PPM1E: variants seen among roughly 807,000 people sequenced by gnomAD.
PPM1E encodes the protein protein phosphatase, Mg2+/Mn2+ dependent 1E.
Under a neutral mutation model 65.9 loss-of-function variants are expected in PPM1E, and 20 were observed. The observed-to-expected ratio is 0.30, with a 90% CI of 0.21 to 0.44. PPM1E has a LOEUF of 0.44. Ranked by LOEUF, PPM1E falls within the 20% of genes least tolerant of loss-of-function variation. The pLI, the probability that PPM1E is intolerant of heterozygous loss-of-function variation, is 1.00. For synonymous variants in PPM1E, 352 were observed against 374.9 expected (o/e 0.94, Z 0.70); for missense variants, 713 against 953.1 (o/e 0.75, Z 3.32).
chr17:58,786,755 T>G (rs917952224), intron 1 of PPM1E, among the ~76,000 whole-genome samples: 3 of 152,240 alleles, frequency 2.0e-5, no homozygotes, highest in Non-Finnish European at 4.4e-5. Context: ...GTTACACAAC[T>G]TCCATATTAT....
chr17:58,790,798 T>C (rs1386030820), intron 1 of PPM1E, among the ~76,000 whole-genome samples: 1 of 152,180 alleles, frequency 6.6e-6, no homozygotes, highest in Admixed American at 6.6e-5. Flanking sequence ...TTTAGATGAC[T>C]TCATGCCCCC....
At chr17:58,893,935 G>A (rs1435876187) in intron 1 of PPM1E, among the ~76,000 whole-genome samples, 4 of 152,084 alleles carry the variant, frequency 2.6e-5, no homozygotes, top group Non-Finnish European at 2.9e-5. Context: ...TTAGCTGGAT[G>A]TGGTGGCAAA....
intron 1 of PPM1E, among the ~76,000 whole-genome samples, chr17:58,792,614 G>C (rs1308925588): frequency 6.6e-6 from 1 of 151,520 alleles, no homozygotes; most frequent in Non-Finnish European, 1.5e-5. Flanking sequence ...AGTGCTGAAT[G>C]CTGGGACTAC....
chr17:58,821,615 C>A (rs1567843777), intron 1 of PPM1E, among the ~76,000 whole-genome samples: 1 of 152,034 alleles, frequency 6.6e-6, no homozygotes, highest in Non-Finnish European at 1.5e-5. Flanking sequence ...CAGGAACTTG[C>A]CCGATATAAT....
At chr17:58,882,440 G>A (rs947595531) in intron 1 of PPM1E, among the ~76,000 whole-genome samples, 1 of 152,004 alleles carries the variant, frequency 6.6e-6, no homozygotes, top group Non-Finnish European at 1.5e-5. Context: ...ACCCAGGCTG[G>A]AGTGCAATGG....
chr17:58,904,982 C>A (rs2051540772), intron 1 of PPM1E, among the ~76,000 whole-genome samples: 2 of 152,126 alleles, frequency 1.3e-5, no homozygotes, highest in Non-Finnish European at 2.9e-5. Flanking sequence ...CGAGGTCGTG[C>A]CATTGCACTC....
intron 1 of PPM1E, among the ~76,000 whole-genome samples, chr17:58,850,598 A>G (rs2050817065): frequency 6.6e-6 from 1 of 152,166 alleles, no homozygotes; most frequent in African/African-American, 2.4e-5. Context: ...AATGTTGAAT[A>G]TTGGCCCCCA....
chr17:58,880,607 AGTTTGTTT>A lies in PPM1E; in HGVS notation c.465-75021_465-75014del, dbSNP rs71367640. 4.7e-3 allele frequency among the ~76,000 whole-genome samples: 704 copies of A among 150,876 alleles called. 4 individuals carry two copies. Among genetic ancestry groups the A allele is most frequent in the Non-Finnish European group, 5.6e-3 (382 of 67,684 alleles). On this transcript the variant is annotated intron_variant, in intron 1 of 6. Transcript: ENST00000308249. ...TTTTCTTCTGATTCTGTTGTGAAAG[AGTTTGTTT>A]GTTTGTTTGTTTGTTTGTTTTCTTT... is the stretch of plus-strand genomic sequence containing the variant.
intron 1 of PPM1E, among the ~76,000 whole-genome samples, chr17:58,940,647 T>A (rs2052051827): frequency 6.6e-6 from 1 of 152,214 alleles, no homozygotes; most frequent in African/African-American, 2.4e-5. Flanking sequence ...ACAGAAGATA[T>A]CCTTTTCTTT....
intron 1 of PPM1E, among the ~76,000 whole-genome samples, chr17:58,827,977 G>C (rs1340560449): frequency 3.3e-5 from 5 of 151,142 alleles, no homozygotes; most frequent in African/African-American, 1.2e-4. Flanking sequence ...CCAGCACTTT[G>C]GGAGGTTGAG....
At chr17:58,966,360 AAAAAG>A (rs1227472638) in intron 3 of PPM1E, 5 of 363,976 alleles carry the variant, frequency 1.4e-5, no homozygotes, top group South Asian at 2.1e-5. Context: ...CTTAAAAAAA[AAAAAG>A]AAAGAAAAGA....
intron 1 of PPM1E, among the ~76,000 whole-genome samples, chr17:58,912,695 C>T (rs2051640591): frequency 6.6e-6 from 1 of 152,134 alleles, no homozygotes; most frequent in Admixed American, 6.6e-5. Context: ...TGGCTGGTGG[C>T]TCCTAGTTAG....
intron 2 of PPM1E, among the ~76,000 whole-genome samples, chr17:58,963,930 C>T (rs2030128932): frequency 1.3e-5 from 2 of 152,052 alleles, no homozygotes; most frequent in African/African-American, 4.8e-5. Context: ...AACCACAAGA[C>T]AGGATTTACC....
intron 6 of PPM1E, among the ~76,000 whole-genome samples, chr17:58,978,457 T>C (rs990798424): frequency 7.2e-4 from 109 of 152,310 alleles, no homozygotes; most frequent in Middle Eastern, 6.8e-3. Context: ...ATGCCTGTTA[T>C]CCCAGCACTT....
intron 1 of PPM1E, among the ~76,000 whole-genome samples, chr17:58,812,237 G>C (rs1469468732): frequency 7.0e-6 from 1 of 143,644 alleles, no homozygotes; most frequent in Non-Finnish European, 1.5e-5. Context: ...CTGGGAGGTG[G>C]AGCTTGTAAC....
chr17:58,797,492 C>T (rs956554235), intron 1 of PPM1E, among the ~76,000 whole-genome samples: 1 of 152,206 alleles, frequency 6.6e-6, no homozygotes, highest in African/African-American at 2.4e-5. Flanking sequence ...TTGTGGAAAG[C>T]TTCTTTCAGA....
chr17:58,858,563 G>T (rs1181679291), intron 1 of PPM1E, among the ~76,000 whole-genome samples: 9 of 151,416 alleles, frequency 5.9e-5, no homozygotes, highest in Non-Finnish European at 1.5e-5. Context: ...GAGTATATGC[G>T]GTGTTTAACT....
intron 1 of PPM1E, among the ~76,000 whole-genome samples, chr17:58,816,215 G>T (rs1048971245): frequency 2.6e-5 from 4 of 151,798 alleles, no homozygotes; most frequent in Non-Finnish European, 4.4e-5. Flanking sequence ...TAGTAGAGTT[G>T]GGGTTTTACC....
At chr17:58,865,011 A>G (rs189110446) in intron 1 of PPM1E, among the ~76,000 whole-genome samples, 20 of 152,326 alleles carry the variant, frequency 1.3e-4, no homozygotes, top group Admixed American at 9.1e-4. Flanking sequence ...AGTAAGATCC[A>G]TCTGTAAATC....
Sources: gnomAD v4.1 joint callset for allele counts (sites outside exome capture counted in the v4.1 genomes callset) on GRCh38, gnomAD v4.1.1 for gene constraint, MANE v1.5 for transcripts, NCBI Gene and HGNC (gene_info 2026-07-23, HGNC 2026-07-21) for gene names.